The following CHCHD3 variants were observed in gnomAD, a reference collection of about 807,000 sequenced individuals.
CHCHD3 encodes coiled-coil-helix-coiled-coil-helix domain containing 3, also known as MICOS complex subunit MIC19.
A neutral mutation model predicts 38.2 loss-of-function variants in CHCHD3; 20 were observed. The observed-to-expected ratio is 0.52, with a 90% CI of 0.37 to 0.76. CHCHD3 has a LOEUF of 0.76. CHCHD3 is among the 30% of genes least tolerant of loss of function. The pLI, the probability that CHCHD3 is intolerant of heterozygous loss-of-function variation, is 0.00. For missense variants in CHCHD3, 245 were observed against 279.2 expected, an observed-to-expected ratio of 0.88 and a Z score of 0.87; for synonymous variants, 82 against 100.0, an observed-to-expected ratio of 0.82 and a Z score of 1.07.
chr7:132,790,135 C>A (rs1399786140), intron 7 of CHCHD3, among the ~76,000 whole-genome samples: 1 of 152,160 alleles, frequency 6.6e-6, no homozygotes, highest in African/African-American at 2.4e-5. Context: ...GCTGTTTGTT[C>A]TTTGTTCCTC....
intron 2 of CHCHD3, among the ~76,000 whole-genome samples, chr7:133,028,545 C>A (rs749982200): frequency 6.6e-6 from 1 of 151,956 alleles, no homozygotes; most frequent in Non-Finnish European, 1.5e-5. Flanking sequence ...ATGGGTTAAT[C>A]CATGCATGGA....
At chr7:132,860,296 G>C (rs1459852130) in intron 5 of CHCHD3, among the ~76,000 whole-genome samples, 2 of 100,706 alleles carry the variant, frequency 2.0e-5, no homozygotes, top group Non-Finnish European at 4.0e-5. Flanking sequence ...TTTATAGATA[G>C]ATAGATAGAG....
intron 2 of CHCHD3, among the ~76,000 whole-genome samples, chr7:133,038,584 G>A (rs1280249047): frequency 2.0e-5 from 3 of 152,168 alleles, no homozygotes; most frequent in Non-Finnish European, 2.9e-5. Flanking sequence ...AATCATCCTA[G>A]TATGATGAAT....
intron 5 of CHCHD3, among the ~76,000 whole-genome samples, chr7:132,851,792 G>A (rs1344485402): frequency 6.6e-6 from 1 of 152,206 alleles, no homozygotes; most frequent in African/African-American, 2.4e-5. Context: ...TCAATGAGGT[G>A]ATGCCACGTG....
intron 6 of CHCHD3, among the ~76,000 whole-genome samples, chr7:132,836,023 G>A (rs1169309355): frequency 1.3e-5 from 2 of 152,026 alleles, no homozygotes; most frequent in African/African-American, 4.8e-5. Flanking sequence ...CCAGAACTGT[G>A]AGAAAATACC....
At chr7:132,851,473 G>A (rs1301248746) in intron 5 of CHCHD3, among the ~76,000 whole-genome samples, 5 of 152,052 alleles carry the variant, frequency 3.3e-5, no homozygotes, top group Non-Finnish European at 7.4e-5. Context: ...TATTATTGTA[G>A]CTCTTCTCCC....
chr7:132,814,696 A>T (rs1233657750), intron 6 of CHCHD3, among the ~76,000 whole-genome samples: 1 of 152,244 alleles, frequency 6.6e-6, no homozygotes, highest in Non-Finnish European at 1.5e-5. Flanking sequence ...ATTGATTACC[A>T]TTCAGAAGTT....
At position 133,056,716 on chromosome 7, in the gene CHCHD3, G is replaced by A. The variant is rs144377983; in HGVS notation, c.169+13426C>T. Among the ~76,000 whole-genome samples, 594 of 152,220 alleles carry A rather than the reference G, an allele frequency of 3.9e-3. 4 individuals are homozygous for A. Among genetic ancestry groups the A allele is most frequent in the South Asian group, 0.037 (179 of 4,808 alleles). ...AGGTGGCAGTGAAGTTATGGCCCTG[G>A]ATGCTTCTGTGTTAAAGAAGAAAAA... On this transcript the variant is annotated intron_variant, in intron 2 of 7. Transcript: ENST00000262570.
chr7:133,039,946 C>T (rs1010642756), intron 2 of CHCHD3, among the ~76,000 whole-genome samples: 1 of 152,074 alleles, frequency 6.6e-6, no homozygotes, highest in Non-Finnish European at 1.5e-5. Context: ...AAGACTGGGT[C>T]CCAACATTAG....
intron 4 of CHCHD3, among the ~76,000 whole-genome samples, chr7:132,943,260 A>G (rs1386331259): frequency 6.6e-6 from 1 of 152,170 alleles, no homozygotes; most frequent in African/African-American, 2.4e-5. Flanking sequence ...GAACAGATAA[A>G]TCATACTAGC....
At chr7:132,785,721 CT>C in intron 7 of CHCHD3, 61 bp from the exon 8 acceptor site, 4 of 1,503,264 alleles carry the variant, frequency 2.7e-6, no homozygotes, top group Non-Finnish European at 3.7e-6. Flanking sequence ...ATAAATGGCA[CT>C]AACTATTTAG....
At chr7:133,032,294 G>A (rs1813525280) in intron 2 of CHCHD3, among the ~76,000 whole-genome samples, 1 of 152,126 alleles carries the variant, frequency 6.6e-6, no homozygotes, top group South Asian at 2.1e-4. Context: ...CAAAACAAAT[G>A]GCATCTGTCT....
intron 3 of CHCHD3, among the ~76,000 whole-genome samples, chr7:133,003,437 A>G (rs1165209852): frequency 6.6e-6 from 1 of 152,200 alleles, no homozygotes; most frequent in Admixed American, 6.5e-5. Flanking sequence ...AAAAGCAAAC[A>G]AGAATAACAA....
In CHCHD3 at chr7:132,964,450, G is replaced by A. The variant is rs543897761; in HGVS notation, c.369+10719C>T. Among the ~76,000 whole-genome samples the A allele has an allele frequency of 2.1e-3, 315 of 152,188 alleles. 3 individuals are homozygous for A. The highest frequency in any genetic ancestry group is 7.2e-3 in the African/African-American group (299 of 41,516). ...ACAAAAATTAGCCGGGCATGGAGGC[G>A]TGCACCTGTAATCCCAGTTAATCAG... On this transcript the variant is annotated intron_variant, in intron 4 of 7. Coordinates refer to ENST00000262570, the MANE Select transcript of CHCHD3 (RefSeq NM_017812.4).
rs140314417 is a variant in CHCHD3 at position 133,066,812 on chromosome 7, G to T, written c.169+3330C>A. 4.3e-3 allele frequency among the ~76,000 whole-genome samples: 659 copies of T among 152,198 alleles called. 2 individuals are homozygous for T. The highest frequency in any genetic ancestry group is 0.01 in the Middle Eastern group (3 of 294). On this transcript the variant is annotated intron_variant, in intron 2 of 7. Coordinates refer to ENST00000262570, the MANE Select transcript of CHCHD3 (RefSeq NM_017812.4). ...AAACATTTTCTCTCCTTCCACTCAG[G>T]CCAATATGGGAAAAAGCTAGAACAA...
chr7:132,973,773 G>A (rs1811671733), intron 4 of CHCHD3: 6 of 1,080,956 alleles, frequency 5.6e-6, no homozygotes, highest in Non-Finnish European at 5.6e-6. Context: ...GAATGGGAGA[G>A]ACTAGAAATG....
At chr7:132,992,827 A>G (rs1812319029) in intron 3 of CHCHD3, among the ~76,000 whole-genome samples, 1 of 152,212 alleles carries the variant, frequency 6.6e-6, no homozygotes, top group African/African-American at 2.4e-5. Flanking sequence ...TGCCTCATTA[A>G]CAATTCTTAC....
intron 4 of CHCHD3, among the ~76,000 whole-genome samples, chr7:132,896,712 T>G (rs996610432): frequency 2.0e-5 from 3 of 152,102 alleles, no homozygotes; most frequent in Non-Finnish European, 4.4e-5. Context: ...AAGACACAAG[T>G]GAATATAAAC....
chr7:132,890,082 T>G (rs1353415348), intron 4 of CHCHD3, among the ~76,000 whole-genome samples: 1 of 152,186 alleles, frequency 6.6e-6, no homozygotes, highest in Non-Finnish European at 1.5e-5. Flanking sequence ...GTAACTGGGC[T>G]GGAAAATGTG....
Sources: gnomAD v4.1 joint callset for allele counts (sites outside exome capture counted in the v4.1 genomes callset) on GRCh38, gnomAD v4.1.1 for gene constraint, MANE v1.5 for transcripts, NCBI Gene and HGNC (gene_info 2026-07-23, HGNC 2026-07-21) for gene names.